SRGAP1: variants seen among roughly 807,000 people sequenced by gnomAD.
SRGAP1 encodes SLIT-ROBO Rho GTPase activating protein 1, also known as SLIT-ROBO Rho GTPase-activating protein 1.
Under a neutral mutation model 121.9 loss-of-function variants are expected in SRGAP1, and 43 were observed. The ratio of observed to expected loss-of-function variants is 0.35; its 90% CI spans 0.28 to 0.46. SRGAP1 has a LOEUF of 0.46. Among genes scored for constraint, SRGAP1 ranks in the 20% least tolerant of loss-of-function variants. The pLI, the probability that SRGAP1 is intolerant of heterozygous loss-of-function variation, is 1.00. For missense variants in SRGAP1, 1,102 were observed against 1,350.9 expected (o/e 0.82, Z 2.89); for synonymous variants, 447 against 485.4 (o/e 0.92, Z 1.04).
At chr12:63,981,945 G>A (rs2136405645) in intron 1 of SRGAP1, among the ~76,000 whole-genome samples, 1 of 152,306 alleles carries the variant, frequency 6.6e-6, no homozygotes, top group African/African-American at 2.4e-5. Flanking sequence ...CGGGCGCGGT[G>A]GCTCACGCCT....
intron 8 of SRGAP1, 41 bp from the exon 9 acceptor site, chr12:64,078,878 G>A: frequency 6.3e-7 from 1 of 1,594,330 alleles, no homozygotes; most frequent in Non-Finnish European, 8.5e-7. Flanking sequence ...TGGGATTCAT[G>A]AAATAATGTA....
intron 3 of SRGAP1, among the ~76,000 whole-genome samples, chr12:64,000,119 A>G (rs758167615): frequency 2.0e-5 from 3 of 152,130 alleles, no homozygotes; most frequent in Non-Finnish European, 4.4e-5. Flanking sequence ...GCAGAATGGC[A>G]GATGTTGAGT....
At chr12:64,048,715 T>C (rs1157707572) in intron 6 of SRGAP1, among the ~76,000 whole-genome samples, 1 of 152,186 alleles carries the variant, frequency 6.6e-6, no homozygotes, top group African/African-American at 2.4e-5. Context: ...TGAGATGATA[T>C]CTCATTGTAG....
chr12:64,074,340 C>T (rs1231014104), intron 8 of SRGAP1, among the ~76,000 whole-genome samples: 3 of 152,208 alleles, frequency 2.0e-5, no homozygotes, highest in African/African-American at 7.2e-5. Context: ...TTGTAGGTAT[C>T]AGTGGCTCCC....
chr12:63,986,155 C>T (rs572967236), intron 2 of SRGAP1, among the ~76,000 whole-genome samples: 1 of 151,820 alleles, frequency 6.6e-6, no homozygotes, highest in African/African-American at 2.4e-5. Flanking sequence ...CTCCTCTCTT[C>T]TCTTTTTTCT....
chr12:63,874,080 G>T (rs191983776), intron 1 of SRGAP1, among the ~76,000 whole-genome samples: 1 of 151,538 alleles, frequency 6.6e-6, no homozygotes, highest in East Asian at 1.9e-4. Context: ...AAGAAGGAAG[G>T]GAGAGACAGA....
intron 1 of SRGAP1, among the ~76,000 whole-genome samples, chr12:63,915,509 T>C (rs1183128279): frequency 1.3e-5 from 2 of 152,122 alleles, no homozygotes; most frequent in African/African-American, 4.8e-5. Flanking sequence ...AGAAATAAAA[T>C]ATGTGTGAGG....
At chr12:64,043,051 C>A in intron 5 of SRGAP1, 79 bp downstream of exon 5, 2 of 941,184 alleles carry the variant, frequency 2.1e-6, no homozygotes, top group Non-Finnish European at 3.3e-6. Context: ...TAGCTGATAT[C>A]CACACATTGT....
In SRGAP1 at chr12:64,155,847, C is replaced by G. The variant is rs1404335239; in HGVS notation, c.*13175C>G. 1.3e-5 allele frequency: 2 copies of G among 152,144 alleles called. No homozygotes were observed. Among genetic ancestry groups the G allele is most frequent in the Admixed American group, 1.3e-4 (2 of 15,278 alleles). 9.4% of individuals were successfully genotyped at this position (152,144 alleles called of 1,614,324 possible). A position where few individuals can be genotyped will look rare whatever the true frequency, so the allele number is the denominator to read the frequency against. ...CCGGGGTTTCGCCATGTTGGCCAGGCTGGTCTTGAACTCCTGACCTCAGGT... is the reference window on the plus strand; with the variant it reads ...CCGGGGTTTCGCCATGTTGGCCAGGGTGGTCTTGAACTCCTGACCTCAGGT... On this transcript the variant is annotated 3_prime_UTR_variant, in exon 22 of 22. Coordinates refer to ENST00000355086, the MANE Select transcript of SRGAP1 (RefSeq NM_020762.4).
chr12:64,160,805 A>T lies in SRGAP1; in HGVS notation c.*18133A>T, dbSNP rs1471426660. The T allele has an allele frequency of 6.6e-6, 1 of 152,226 alleles. No individual in the cohort carries two copies. Among genetic ancestry groups the T allele is most frequent in the Non-Finnish European group, 1.5e-5 (1 of 68,036 alleles). 9.4% of individuals were successfully genotyped at this position (152,226 alleles called of 1,614,324 possible). On this transcript the variant is annotated 3_prime_UTR_variant, in exon 22 of 22. Coordinates refer to ENST00000355086, the MANE Select transcript of SRGAP1 (RefSeq NM_020762.4). ...AGAAACAGCATGAAAAGGCAGAGCC[A>T]AGGAGAGATCGACAAACAAGAAGGA...
At chr12:63,966,886 G>T (rs991818799) in intron 1 of SRGAP1, among the ~76,000 whole-genome samples, 7 of 152,180 alleles carry the variant, frequency 4.6e-5, no homozygotes, top group African/African-American at 1.7e-4. Flanking sequence ...ATTAGGAAAA[G>T]ATGTTAGATT....
At position 63,909,906 on chromosome 12, in the gene SRGAP1, G is replaced by C. The variant is rs372977640; in HGVS notation, c.67+65023G>C. Among the ~76,000 whole-genome samples the C allele has an allele frequency of 1.1e-4, 17 of 152,290 alleles. No individual in the cohort carries two copies. In the East Asian group the frequency reaches 1.9e-3, roughly 17 times the overall value. On this transcript the variant is annotated intron_variant, in intron 1 of 21. Coordinates refer to ENST00000355086, the MANE Select transcript of SRGAP1 (RefSeq NM_020762.4). ...GAGTTTTTACTGTTAAGGCCTTTCA[G>C]CTGATTGAATGAGGCCCACCCACAT...
At chr12:63,946,987 T>A (rs10128867) in intron 1 of SRGAP1, among the ~76,000 whole-genome samples, 49,278 of 152,032 alleles carry the variant, frequency 0.32, 8,515 homozygotes, top group East Asian at 0.55. Context: ...CTTTTTATTG[T>A]TAACGCATAT....
intron 1 of SRGAP1, among the ~76,000 whole-genome samples, chr12:63,951,855 A>C (rs2032308836): frequency 6.6e-6 from 1 of 152,234 alleles, no homozygotes; most frequent in Non-Finnish European, 1.5e-5. Context: ...ATAGTCTTAC[A>C]TAACTATATA....
intron 8 of SRGAP1, among the ~76,000 whole-genome samples, chr12:64,067,644 A>C (rs2035564048): frequency 6.6e-6 from 1 of 152,188 alleles, no homozygotes; most frequent in Non-Finnish European, 1.5e-5. Flanking sequence ...TAATCAGTAG[A>C]TACCATAAAA....
intron 15 of SRGAP1, 63 bp downstream of exon 15, chr12:64,097,438 A>G (rs995598827): frequency 4.5e-6 from 7 of 1,571,790 alleles, no homozygotes; most frequent in Non-Finnish European, 6.1e-6. Context: ...CTTCCTGGAA[A>G]AGGCAGTGGC....
At chr12:64,099,015 A>T (rs2036214167) in intron 15 of SRGAP1, among the ~76,000 whole-genome samples, 1 of 152,154 alleles carries the variant, frequency 6.6e-6, no homozygotes, top group Admixed American at 6.5e-5. Context: ...GTATGTCCAG[A>T]ATTTTTCTGA....
chr12:63,975,056 T>A (rs2033057349), intron 1 of SRGAP1, among the ~76,000 whole-genome samples: 1 of 152,234 alleles, frequency 6.6e-6, no homozygotes, highest in Non-Finnish European at 1.5e-5. Flanking sequence ...TTTTTCATTA[T>A]ACATTTAATA....
intron 1 of SRGAP1, among the ~76,000 whole-genome samples, chr12:63,937,686 G>A (rs535237236): frequency 2.0e-5 from 3 of 152,238 alleles, no homozygotes; most frequent in African/African-American, 4.8e-5. Context: ...AACAATAAAC[G>A]GCCTTTTGTA....
Sources: allele counts gnomAD v4.1 joint callset (sites outside exome capture counted in the v4.1 genomes callset), GRCh38; gene constraint gnomAD v4.1.1; transcripts MANE v1.5; gene names NCBI Gene and HGNC (gene_info 2026-07-23, HGNC 2026-07-21).